Variants in CD99L2 observed in about 807,000 individuals in gnomAD.
The protein encoded by CD99L2 is CD99 molecule like 2.
A neutral mutation model predicts 27.3 loss-of-function variants in CD99L2; 24 were observed. The observed-to-expected ratio is 0.88, with a 90% CI of 0.64 to 1.24. The LOEUF (loss-of-function observed/expected upper bound fraction) is 1.24. CD99L2 is among the 50% of genes most tolerant of loss of function. The pLI is 0.00. For synonymous variants in CD99L2, 97 were observed against 87.9 expected (o/e 1.10, Z -0.58); for missense variants, 255 against 221.6 (o/e 1.15, Z -0.96).
chrX:150,769,163 C>T, intron 10 of CD99L2, 62 bp from the exon 11 acceptor site: 2 of 1,099,106 alleles, frequency 1.8e-6, no homozygotes, highest in Non-Finnish European at 2.4e-6. Context: ...GAAGCAAATA[C>T]AGCAGCAAGC....
intron 9 of CD99L2, among the ~76,000 whole-genome samples, chrX:150,772,959 C>T (rs781796232): frequency 3.6e-4 from 40 of 112,215 alleles, no homozygotes; most frequent in Admixed American, 3.2e-3. Context: ...GGAGCTGCCC[C>T]GCTTTGCCTG....
chrX:150,818,299 T>C (rs2046196541), intron 2 of CD99L2, among the ~76,000 whole-genome samples: 1 of 107,058 alleles, frequency 9.3e-6, no homozygotes, highest in Non-Finnish European at 1.9e-5. Flanking sequence ...AAAATACACA[T>C]TCTACTCAAG....
intron 8 of CD99L2, 115 bp downstream of exon 8, chrX:150,777,329 C>A: frequency 1.1e-6 from 1 of 906,728 alleles, no homozygotes; most frequent in Non-Finnish European, 1.6e-6. Flanking sequence ...ATGGGAGGCA[C>A]GTTTGCCTGA....
At chrX:150,868,746 GGT>G (rs782401420) in intron 1 of CD99L2, among the ~76,000 whole-genome samples, 1 of 111,849 alleles carries the variant, frequency 8.9e-6, no homozygotes, top group African/African-American at 3.2e-5. Context: ...GAGAACATGT[GGT>G]GTTTCACTTT....
At chrX:150,781,058 A>G (rs1317712454) in intron 7 of CD99L2, among the ~76,000 whole-genome samples, 1 of 111,990 alleles carries the variant, frequency 8.9e-6, no homozygotes, top group Non-Finnish European at 1.9e-5. Flanking sequence ...GGCTAAGACA[A>G]TGTTCATCAC....
chrX:150,824,113 G>GGAAGGAGGAGGAGGA, intron 2 of CD99L2, among the ~76,000 whole-genome samples: 1 of 68,240 alleles, frequency 1.5e-5, no homozygotes, highest in Non-Finnish European at 2.7e-5. Flanking sequence ...GAAGGAAGAA[G>GGAAGGAGGAGGAGGA]GAAGAAGGAA....
chrX:150,829,126 A>G (rs1414380330), intron 2 of CD99L2: 1 of 119,714 alleles, frequency 8.4e-6, no homozygotes, highest in African/African-American at 3.3e-5. Context: ...CATTTACTGA[A>G]TGCATACTAT....
intron 2 of CD99L2, among the ~76,000 whole-genome samples, chrX:150,817,517 T>A (rs1347828980): frequency 8.9e-6 from 1 of 112,093 alleles, no homozygotes; most frequent in Non-Finnish European, 1.9e-5. Flanking sequence ...GTGCATGAAG[T>A]TTTTCCAATA....
chrX:150,810,219 G>T (rs2046052959), intron 4 of CD99L2, among the ~76,000 whole-genome samples: 1 of 111,928 alleles, frequency 8.9e-6, no homozygotes. Context: ...CACAAAACAA[G>T]CCTTAATAGA....
At position 150,768,961 on chromosome X, in the gene CD99L2, C is replaced by G. The variant is rs944662359; in HGVS notation, c.*73G>C. On this transcript the variant is annotated 3_prime_UTR_variant, in exon 11 of 11. Coordinates refer to ENST00000370377, the MANE Select transcript of CD99L2 (RefSeq NM_031462.4). The stretch of plus-strand genomic sequence containing the variant: ...CAGAGCAGCACAGCAGCTGCGGGTC[C>G]AAATGAAGGGGTGGGGGGAGCCGGG... 5.5e-5 allele frequency: 60 copies of G among 1,099,529 alleles called. No homozygotes were observed. In the Admixed American group the frequency reaches 2.2e-3, roughly 41 times the overall value. The allele number at this position is 1,099,529 out of a possible 1,213,427, so 90.6% of individuals were successfully genotyped here.
At chrX:150,809,524 GTGATAT>G (rs1211647026) in intron 4 of CD99L2, among the ~76,000 whole-genome samples, 1 of 112,476 alleles carries the variant, frequency 8.9e-6, no homozygotes, top group Non-Finnish European at 1.9e-5. Context: ...GAGACTGGTG[GTGATAT>G]TAGCAAACAT....
chrX:150,881,761 G>T (rs1367012660), intron 1 of CD99L2, among the ~76,000 whole-genome samples: 2 of 111,328 alleles, frequency 1.8e-5, no homozygotes, highest in Non-Finnish European at 3.8e-5. Context: ...GGGGTACCTT[G>T]GCAATCCACA....
chrX:150,879,925 C>CAAAA (rs782555339), intron 1 of CD99L2, among the ~76,000 whole-genome samples: 56 of 27,293 alleles, frequency 2.1e-3, no homozygotes, highest in African/African-American at 7.8e-3. Flanking sequence ...ACCCTGTCTC[C>CAAAA]AAAAAAAAAA....
chrX:150,856,641 G>A (rs2046894288), intron 1 of CD99L2, among the ~76,000 whole-genome samples: 1 of 109,082 alleles, frequency 9.2e-6, no homozygotes, highest in African/African-American at 3.3e-5. Context: ...TAAAACTCTA[G>A]AAAACAAACT....
chrX:150,814,880 G>C lies in CD99L2; in HGVS notation c.259C>G (p.Pro87Ala). The C allele has an allele frequency of 4.1e-6, 5 of 1,210,010 alleles. No individual in the cohort carries two copies. Among genetic ancestry groups the C allele is most frequent in the Non-Finnish European group, 5.6e-6 (5 of 894,314 alleles). ...LDDQDDGRRK[P>A]GIGGRERWNH... ...GACTTACCTCTTCCTCCTATACCCG[G>C]TTTCCTGCGGCCATCATCTTGATCA... Residue 87 changes from proline to alanine, a missense_variant, in exon 4 of 11, where the codon CCG becomes GCG. Coordinates refer to ENST00000370377, the MANE Select transcript of CD99L2 (RefSeq NM_031462.4).
intron 7 of CD99L2, among the ~76,000 whole-genome samples, chrX:150,782,561 G>A (rs1378758024): frequency 8.9e-6 from 1 of 112,312 alleles, no homozygotes. Flanking sequence ...TGTTCACGCC[G>A]TGTTCCCAGG....
At chrX:150,847,926 A>G (rs1231317611) in intron 1 of CD99L2, among the ~76,000 whole-genome samples, 1 of 111,130 alleles carries the variant, frequency 9.0e-6, no homozygotes, top group Non-Finnish European at 1.9e-5. Context: ...GACAGCCACA[A>G]GCACCATCCT....
intron 1 of CD99L2, among the ~76,000 whole-genome samples, chrX:150,847,487 C>A (rs1172450361): frequency 1.8e-5 from 2 of 111,276 alleles, no homozygotes; most frequent in African/African-American, 6.5e-5. Flanking sequence ...ATGCTCAAAT[C>A]TCTCCCATTT....
intron 4 of CD99L2, among the ~76,000 whole-genome samples, chrX:150,812,230 A>C (rs1472870565): frequency 7.1e-5 from 8 of 112,057 alleles, no homozygotes; most frequent in Admixed American, 1.9e-4. Context: ...CAAAATCTAA[A>C]ACTTCTGCAA....
Sources: gnomAD v4.1 joint callset for allele counts (sites outside exome capture counted in the v4.1 genomes callset) on GRCh38, gnomAD v4.1.1 for gene constraint, MANE v1.5 for transcripts, NCBI Gene and HGNC (gene_info 2026-07-23, HGNC 2026-07-21) for gene names.